Variants in CAPZB observed in about 807,000 individuals in gnomAD.
The protein encoded by CAPZB is capping actin protein of muscle Z-line subunit beta, also known as F-actin-capping protein subunit beta.
Under a neutral mutation model 38.1 loss-of-function variants are expected in CAPZB, and 2 were observed. The ratio of observed to expected loss-of-function variants is 0.05; its 90% confidence interval spans 0.02 to 0.17. The LOEUF (loss-of-function observed/expected upper bound fraction) is 0.17. Ranked by LOEUF, CAPZB falls within the 10% of genes least tolerant of loss-of-function variation. CAPZB has a pLI of 1.00. For synonymous variants in CAPZB, 107 were observed against 127.4 expected (o/e 0.84, Z 1.08); for missense variants, 161 against 334.2 (o/e 0.48, Z 4.04).
chr1:19,368,076 AG>A (rs545820171), intron 4 of CAPZB, among the ~76,000 whole-genome samples: 76 of 152,334 alleles, frequency 5.0e-4, no homozygotes, highest in African/African-American at 1.8e-3. Context: ...ATTCTGTGTC[AG>A]GGGCTTTGCA....
In CAPZB at chr1:19,451,111, T is replaced by C. The variant is rs566590745; in HGVS notation, c.4-31361A>G. 3.3e-5 allele frequency among the ~76,000 whole-genome samples: 5 copies of C among 152,304 alleles called. No individual in the cohort carries two copies. In the South Asian group the frequency reaches 8.3e-4, roughly 25 times the overall value. On this transcript the variant is annotated intron_variant, in intron 1 of 8. Coordinates refer to ENST00000264202, the MANE Select transcript of CAPZB (RefSeq NM_004930.5). ...AAACTGATATGCGCCAAATCAGCCA[T>C]GTTAAGGGGTTGTTATTGCACCTCT...
At chr1:19,387,452 G>A (rs1391819403) in intron 2 of CAPZB, among the ~76,000 whole-genome samples, 1 of 152,256 alleles carries the variant, frequency 6.6e-6, no homozygotes, top group East Asian at 1.9e-4. Context: ...TCTGGGACCT[G>A]AAAGAGGCCT....
chr1:19,388,794 G>A (rs2094216974), intron 2 of CAPZB, among the ~76,000 whole-genome samples: 1 of 152,252 alleles, frequency 6.6e-6, no homozygotes, highest in South Asian at 2.1e-4. Flanking sequence ...AAACACAGTA[G>A]ATGAGCTGCA....
intron 1 of CAPZB, among the ~76,000 whole-genome samples, chr1:19,427,778 C>T (rs1207806218): frequency 1.3e-5 from 2 of 152,262 alleles, no homozygotes; most frequent in Non-Finnish European, 2.9e-5. Context: ...ATCCAATACC[C>T]TCGCTGTCAA....
intron 2 of CAPZB, among the ~76,000 whole-genome samples, chr1:19,412,657 C>T (rs948663532): frequency 6.6e-6 from 1 of 152,124 alleles, no homozygotes; most frequent in Non-Finnish European, 1.5e-5. Flanking sequence ...TCCCCTAAAA[C>T]CCCAGAAATG....
intron 1 of CAPZB, among the ~76,000 whole-genome samples, chr1:19,479,950 G>C (rs1431138273): frequency 6.6e-6 from 1 of 151,996 alleles, no homozygotes; most frequent in Non-Finnish European, 1.5e-5. Flanking sequence ...CAGTCCCCTT[G>C]ACCATACCCC....
intron 2 of CAPZB, among the ~76,000 whole-genome samples, chr1:19,388,131 A>C (rs1169821216): frequency 2.0e-5 from 3 of 152,192 alleles, no homozygotes; most frequent in Non-Finnish European, 4.4e-5. Context: ...GCTCACAAGA[A>C]AATAGGGTTT....
intron 1 of CAPZB, among the ~76,000 whole-genome samples, chr1:19,455,716 A>G (rs1226621220): frequency 6.6e-6 from 1 of 152,146 alleles, no homozygotes; most frequent in East Asian, 1.9e-4. Context: ...CCTGACGCCA[A>G]TTGTCACTCA....
At chr1:19,483,555 A>G (rs1461991588) in intron 1 of CAPZB, among the ~76,000 whole-genome samples, 1 of 152,050 alleles carries the variant, frequency 6.6e-6, no homozygotes, top group Non-Finnish European at 1.5e-5. Context: ...TGAGTACAAG[A>G]CTCCTGAGAA....
chr1:19,389,123 A>G (rs2094218523), intron 2 of CAPZB, among the ~76,000 whole-genome samples: 1 of 152,168 alleles, frequency 6.6e-6, no homozygotes, highest in Admixed American at 6.5e-5. Flanking sequence ...AATGTGGAAT[A>G]ATACATGGTG....
intron 1 of CAPZB, among the ~76,000 whole-genome samples, chr1:19,428,808 C>T (rs562579511): frequency 6.6e-6 from 1 of 152,116 alleles, no homozygotes; most frequent in South Asian, 2.1e-4. Flanking sequence ...CAGACACAAC[C>T]GAACAGTGAG....
rs1344586940 is a variant in CAPZB, at chr1:19,419,642, A to G, written c.93+19T>C. On this transcript the variant is annotated intron_variant, in intron 2 of 8. Transcript: ENST00000264202. ...CTTAGCCGCAGTCTCAAATGGAACC[A>G]TATGAAGGAGGCACGTACCAGGTCG... 2.7e-6 allele frequency: 4 copies of G among 1,486,632 alleles called. No individual in the cohort carries two copies. The highest frequency in any genetic ancestry group is 3.7e-6 in the Non-Finnish European group (4 of 1,077,154). 92.1% of individuals were successfully genotyped at this position (1,486,632 alleles called of 1,614,324 possible).
chr1:19,376,828 T>C (rs781216181), intron 4 of CAPZB, among the ~76,000 whole-genome samples: 6 of 152,222 alleles, frequency 3.9e-5, no homozygotes, highest in Non-Finnish European at 5.9e-5. Flanking sequence ...GCTGAGTAAA[T>C]AAATCGATGT....
At chr1:19,394,221 G>A (rs2094253816) in intron 2 of CAPZB, among the ~76,000 whole-genome samples, 1 of 152,102 alleles carries the variant, frequency 6.6e-6, no homozygotes, top group Non-Finnish European at 1.5e-5. Flanking sequence ...GTTGGTCTCA[G>A]GTGATCCGTC....
chr1:19,347,682 T>C (rs902738447), intron 6 of CAPZB, among the ~76,000 whole-genome samples: 1 of 152,170 alleles, frequency 6.6e-6, no homozygotes, highest in Non-Finnish European at 1.5e-5. Context: ...ATCGACAGTG[T>C]CAAGGGTTGA....
At chr1:19,446,461 T>C (rs2094496290) in intron 1 of CAPZB, among the ~76,000 whole-genome samples, 2 of 152,210 alleles carry the variant, frequency 1.3e-5, no homozygotes, top group African/African-American at 2.4e-5. Context: ...AAAGGCAATC[T>C]GGAAGCCTGA....
chr1:19,455,446 C>A (rs1191057713), intron 1 of CAPZB, among the ~76,000 whole-genome samples: 1 of 152,190 alleles, frequency 6.6e-6, no homozygotes, highest in Non-Finnish European at 1.5e-5. Flanking sequence ...GACATGCAGG[C>A]CTCCCTTGCT....
At chr1:19,428,536 T>C (rs1472565) in intron 1 of CAPZB, among the ~76,000 whole-genome samples, 80,032 of 152,082 alleles carry the variant, frequency 0.53, 21,614 homozygotes, top group African/African-American at 0.65. Context: ...CTCTCTTTTT[T>C]CTTTTATAAA....
At chr1:19,397,561 G>C (rs2094278451) in intron 2 of CAPZB, among the ~76,000 whole-genome samples, 1 of 152,236 alleles carries the variant, frequency 6.6e-6, no homozygotes, top group South Asian at 2.1e-4. Context: ...GATGGTGGCA[G>C]AGAGAAGTAC....
Sources: allele counts gnomAD v4.1 joint callset (sites outside exome capture counted in the v4.1 genomes callset), GRCh38; gene constraint gnomAD v4.1.1; transcripts MANE v1.5; gene names NCBI Gene and HGNC (gene_info 2026-07-23, HGNC 2026-07-21).